RANBP9: variants seen among roughly 807,000 people sequenced by gnomAD.
RANBP9 encodes the protein ran-binding protein 9.
In RANBP9, 15 loss-of-function variants were observed where a neutral mutation model predicts 84.3. The ratio of observed to expected loss-of-function variants is 0.18; its 90% CI spans 0.12 to 0.27. RANBP9 has a LOEUF of 0.27. Ranked by LOEUF, RANBP9 falls within the 10% of genes least tolerant of loss-of-function variation. RANBP9 has a pLI of 1.00. For missense variants in RANBP9, 809 were observed against 912.8 expected (o/e 0.89, Z 1.46); for synonymous variants, 392 against 349.6 (o/e 1.12, Z -1.35).
At chr6:13,685,134 C>T (rs984340387) in intron 2 of RANBP9, among the ~76,000 whole-genome samples, 1 of 152,216 alleles carries the variant, frequency 6.6e-6, no homozygotes, top group African/African-American at 2.4e-5. Context: ...CATACCCCTT[C>T]TTGTGATCCA....
At chr6:13,659,793 A>G (rs1435999814) in intron 2 of RANBP9, among the ~76,000 whole-genome samples, 2 of 152,208 alleles carry the variant, frequency 1.3e-5, no homozygotes, top group African/African-American at 4.8e-5. Flanking sequence ...TACAGCAAGC[A>G]AGATATTCAA....
chr6:13,625,081 CCTTA>C (rs1225055960), intron 13 of RANBP9, among the ~76,000 whole-genome samples: 35 of 152,322 alleles, frequency 2.3e-4, no homozygotes, highest in Admixed American at 1.6e-3. Flanking sequence ...CTCTTCACTC[CCTTA>C]CTTCCATTTT....
chr6:13,641,245 A>G lies in RANBP9; in HGVS notation c.1288T>C (p.Tyr430His), dbSNP rs764418961. 8 of 1,602,262 alleles carry G rather than the reference A, an allele frequency of 5.0e-6. No individual in the cohort carries two copies. The highest frequency in any genetic ancestry group is 2.3e-5 in the East Asian group (1 of 44,156). ...GGATTTCTTTCAAGTAAACTTGGGT[A>G]TAACTGTTGTGTTGTTTCAATGGCT... ...GEAIETTQQLYPSLLERNPNL... is the reference protein window; with the variant it reads ...GEAIETTQQLHPSLLERNPNL... The change falls in exon 8 of 14, where the codon TAC (tyrosine) becomes CAC (histidine). Residue 430 changes from tyrosine (Y) to histidine (H), a missense_variant. By Grantham distance (83) the Tyr-to-His change is moderately conservative. Coordinates refer to ENST00000011619, the MANE Select transcript of RANBP9 (RefSeq NM_005493.3).
At chr6:13,630,612 G>A (rs1356933983) in intron 12 of RANBP9, among the ~76,000 whole-genome samples, 2 of 151,968 alleles carry the variant, frequency 1.3e-5, no homozygotes, top group African/African-American at 2.4e-5. Context: ...AAACCTTTCA[G>A]GGGATCTGTG....
At position 13,711,652 on chromosome 6, in the gene RANBP9, CCGCGGCGGTTGAGGAGCTCGGAGA is replaced by C; in HGVS notation, c.-171_-148del. ...GCGGCGGGCCGCGCGCCCAGGGAGA[CCGCGGCGGTTGAGGAGCTCGGAGA>C]CGCGGGAGTAGGCGGCGGGCCCGGG... is the stretch of plus-strand genomic sequence containing the variant. On this transcript the variant is annotated 5_prime_UTR_variant, in exon 1 of 14. Coordinates refer to ENST00000011619, the MANE Select transcript of RANBP9 (RefSeq NM_005493.3). The C allele has an allele frequency of 2.9e-6, 2 of 680,150 alleles. No individual in the cohort carries two copies. The highest frequency in any genetic ancestry group is 4.0e-6 in the Non-Finnish European group (2 of 503,252). 42.1% of individuals were successfully genotyped at this position (680,150 alleles called of 1,614,324 possible). A position where few individuals can be genotyped will look rare whatever the true frequency, so the allele number is the denominator to read the frequency against.
chr6:13,632,303 T>A (rs1764809406), intron 12 of RANBP9, 67 bp downstream of exon 12: 2 of 1,512,700 alleles, frequency 1.3e-6, no homozygotes, highest in Non-Finnish European at 1.8e-6. Flanking sequence ...CACTGCTCAG[T>A]GTTTCACAAA....
At chr6:13,698,576 AT>A (rs1194704820) in intron 1 of RANBP9, among the ~76,000 whole-genome samples, 3 of 152,202 alleles carry the variant, frequency 2.0e-5, no homozygotes, top group Non-Finnish European at 2.9e-5. Context: ...AAATCCACTG[AT>A]TTTTTAAGGG....
At chr6:13,675,280 T>C (rs1027608848) in intron 2 of RANBP9, among the ~76,000 whole-genome samples, 1 of 152,190 alleles carries the variant, frequency 6.6e-6, no homozygotes, top group Admixed American at 6.6e-5. Flanking sequence ...AAGAAAGACA[T>C]GCCTTAACTA....
chr6:13,711,230 A>AGGGGGAGGC lies in RANBP9; in HGVS notation c.267_275dup (p.Pro90_Pro92dup), dbSNP rs1440104828. ...CGCTGGCGGGGGCAGCCGCTGAGGC[A>AGGGGGAGGC]GGGGGAGGCGGGGGCGGCGGCGGGG... On this transcript the variant is annotated inframe_insertion, in exon 1 of 14. Transcript: ENST00000011619. The AGGGGGAGGC allele has an allele frequency of 1.9e-5, 6 of 319,544 alleles. No individual in the cohort carries two copies. The South Asian group carries it at 5.7e-4, about 30-fold the overall frequency. The allele number at this position is 319,544 out of a possible 1,614,324, so 19.8% of individuals were successfully genotyped here.
chr6:13,649,767 A>G (rs911625069), intron 5 of RANBP9, among the ~76,000 whole-genome samples: 17 of 152,002 alleles, frequency 1.1e-4, no homozygotes, highest in Non-Finnish European at 1.5e-5. Flanking sequence ...ACTCCTCACC[A>G]TGGCCAAAGT....
At chr6:13,629,257 T>G (rs1360324372) in intron 12 of RANBP9, among the ~76,000 whole-genome samples, 2 of 152,176 alleles carry the variant, frequency 1.3e-5, no homozygotes, top group African/African-American at 4.8e-5. Flanking sequence ...ATTACAGATG[T>G]GGGCCACCAC....
chr6:13,699,351 T>G (rs1052688620), intron 1 of RANBP9, among the ~76,000 whole-genome samples: 4 of 152,170 alleles, frequency 2.6e-5, no homozygotes, highest in Admixed American at 2.6e-4. Flanking sequence ...AAATTAAAAT[T>G]TAAATTAGAT....
In RANBP9 at chr6:13,708,819, TCACACA is replaced by T. The variant is rs70989879; in HGVS notation, c.571+2110_571+2115del. Among the ~76,000 whole-genome samples the T allele has an allele frequency of 3.3e-3, 460 of 140,930 alleles. 1 individual carries two copies. Among genetic ancestry groups the T allele is most frequent in the Middle Eastern group, 7.4e-3 (2 of 270 alleles). The allele number at this position is 140,930 out of a possible 152,430, so 92.5% of individuals were successfully genotyped here. On this transcript the variant is annotated intron_variant, in intron 1 of 13. Transcript: ENST00000011619. Reference sequence around the variant, plus strand: ...AAAATCAACAGTAACAACGGAAAACTCACACACACACACACACACACACACACAGTC... The same window carrying T: ...AAAATCAACAGTAACAACGGAAAACTCACACACACACACACACACACAGTC...
chr6:13,708,698 A>T (rs1758194046), intron 1 of RANBP9, among the ~76,000 whole-genome samples: 1 of 152,144 alleles, frequency 6.6e-6, no homozygotes, highest in Admixed American at 6.5e-5. Flanking sequence ...TTAAAGTATT[A>T]TCTACTCTCT....
chr6:13,631,324 T>C (rs143162950), intron 12 of RANBP9, among the ~76,000 whole-genome samples: 231 of 152,326 alleles, frequency 1.5e-3, no homozygotes, highest in Non-Finnish European at 2.4e-3. Flanking sequence ...AGGTGCTCTA[T>C]AACACATCCT....
intron 1 of RANBP9, among the ~76,000 whole-genome samples, chr6:13,705,262 G>A (rs1473369532): frequency 6.6e-6 from 1 of 151,790 alleles, no homozygotes; most frequent in African/African-American, 2.4e-5. Flanking sequence ...AAATTAGCCA[G>A]GCGTGGTGGC....
rs186383906 is a variant in RANBP9 at position 13,637,668 on chromosome 6, C to A, written c.1673+140G>T. 19 of 782,700 alleles carry A rather than the reference C, an allele frequency of 2.4e-5. No homozygotes were observed. The South Asian group carries it at 3.0e-4, about 12-fold the overall frequency. The allele number at this position is 782,700 out of a possible 1,614,324, so 48.5% of individuals were successfully genotyped here. On this transcript the variant is annotated intron_variant, in intron 10 of 13. Coordinates refer to ENST00000011619, the MANE Select transcript of RANBP9 (RefSeq NM_005493.3). ...AAAGCTTTGGGGAACTGACTCCCTA[C>A]GCTTTTATTCTCTGGGGGCTTAAGA... is the stretch of plus-strand genomic sequence containing the variant.
chr6:13,658,968 C>G lies in RANBP9; in HGVS notation c.684-136G>C, dbSNP rs1344854531. On this transcript the variant is annotated intron_variant, in intron 2 of 13. Transcript: ENST00000011619. ...TAAGGTAGCAACAAAAATTTTATTA[C>G]AATTTATTATGTAACAACAACGGGC... is the stretch of plus-strand genomic sequence containing the variant. The G allele has an allele frequency of 6.6e-6, 5 of 761,924 alleles. No individual in the cohort carries two copies. In the African/African-American group the frequency reaches 7.0e-5, roughly 11 times the overall value. 47.2% of individuals were successfully genotyped at this position (761,924 alleles called of 1,614,324 possible).
At chr6:13,710,438 C>A (rs979213840) in intron 1 of RANBP9, among the ~76,000 whole-genome samples, 1 of 152,024 alleles carries the variant, frequency 6.6e-6, no homozygotes, top group African/African-American at 2.4e-5. Context: ...CAATCTCTGG[C>A]CTAATTTTGA....
Sources: allele counts gnomAD v4.1 joint callset (sites outside exome capture counted in the v4.1 genomes callset), GRCh38; gene constraint gnomAD v4.1.1; transcripts MANE v1.5; gene names NCBI Gene and HGNC (gene_info 2026-07-23, HGNC 2026-07-21).